The following ALG5 variants were observed in gnomAD, a reference collection of about 807,000 sequenced individuals.
The protein encoded by ALG5 is dolichyl-phosphate beta-glucosyltransferase.
Under a neutral mutation model 51.8 loss-of-function variants are expected in ALG5, and 26 were observed. The observed-to-expected ratio is 0.50, with a 90% confidence interval of 0.37 to 0.70. The LOEUF is 0.70. Among genes scored for constraint, ALG5 ranks in the 30% least tolerant of loss-of-function variants. ALG5 has a pLI of 0.00. For missense variants in ALG5, 311 were observed against 399.3 expected (o/e 0.78, Z 1.88); for synonymous variants, 141 against 136.1 (o/e 1.04, Z -0.25).
chr13:36,958,097 C>T (rs772886818), intron 8 of ALG5, among the ~76,000 whole-genome samples: 8 of 152,196 alleles, frequency 5.3e-5, no homozygotes, highest in Middle Eastern at 3.4e-3. Context: ...AAGCGACAAC[C>T]GTGAGGAAAG....
intron 7 of ALG5, among the ~76,000 whole-genome samples, chr13:36,968,952 A>G (rs1321086706): frequency 2.0e-5 from 3 of 152,228 alleles, no homozygotes. Context: ...ACAACCAATG[A>G]TCTCTAGTGA....
At chr13:36,965,790 C>A in intron 7 of ALG5, 64 bp from the exon 8 acceptor site, 8 of 1,433,116 alleles carry the variant, frequency 5.6e-6, no homozygotes, top group Non-Finnish European at 7.7e-6. Flanking sequence ...ACTGAAAACA[C>A]CTGGCTGTAG....
At chr13:36,998,010 A>T (rs2059059403) in intron 1 of ALG5, among the ~76,000 whole-genome samples, 1 of 152,228 alleles carries the variant, frequency 6.6e-6, no homozygotes, top group Admixed American at 6.5e-5. Context: ...TAAAGATTTA[A>T]TAACTCCTAT....
intron 8 of ALG5, among the ~76,000 whole-genome samples, chr13:36,958,877 C>T (rs183830466): frequency 1.3e-5 from 2 of 152,168 alleles, no homozygotes; most frequent in African/African-American, 2.4e-5. Flanking sequence ...GGACAATGAT[C>T]GGGATTATAA....
intron 5 of ALG5, among the ~76,000 whole-genome samples, chr13:36,986,732 C>T (rs1045222885): frequency 6.6e-6 from 1 of 152,042 alleles, no homozygotes; most frequent in African/African-American, 2.4e-5. Context: ...TGAGACCAGT[C>T]TGGGCAATAC....
At chr13:36,972,133 T>C (rs2058926899) in intron 6 of ALG5, 97 bp from the exon 7 acceptor site, 2 of 1,034,042 alleles carry the variant, frequency 1.9e-6, no homozygotes, top group Admixed American at 2.6e-5. Context: ...AAACTGATTT[T>C]AAAAAAGTTG....
chr13:36,995,404 A>AAAAATC, intron 2 of ALG5, 21 bp downstream of exon 2: 1 of 1,584,348 alleles, frequency 6.3e-7, no homozygotes, highest in East Asian at 2.2e-5. Flanking sequence ...CCTTTACCAA[A>AAAAATC]AAAATCAAAA....
chr13:36,950,300 G>A (rs1310456880), intron 9 of ALG5, among the ~76,000 whole-genome samples: 3 of 152,072 alleles, frequency 2.0e-5, no homozygotes, highest in South Asian at 2.1e-4. Flanking sequence ...AATTTCATAC[G>A]GCCCTACTAT....
Position 36,987,141 on chromosome 13 carries a change from G to A in ALG5, c.448-1401C>T, listed in dbSNP as rs2059005422. ...GTTCAACTATCATCTGACATATGTG[G>A]ATGACTCACTCACATCCTCTCTCCT... On this transcript the variant is annotated intron_variant, in intron 5 of 9. Coordinates refer to ENST00000239891, the MANE Select transcript of ALG5 (RefSeq NM_013338.5). Among the ~76,000 whole-genome samples, 3 of 152,108 alleles carry A rather than the reference G, an allele frequency of 2.0e-5. 1 individual carries two copies. In the South Asian group the frequency reaches 6.2e-4, roughly 32 times the overall value.
At position 36,995,576 on chromosome 13, in the gene ALG5, T is replaced by G; in HGVS notation, c.87A>C (p.Thr29=). 5.6e-6 allele frequency: 9 copies of G among 1,601,516 alleles called. No homozygotes were observed. Among genetic ancestry groups the G allele is most frequent in the Non-Finnish European group, 7.6e-6 (9 of 1,177,292 alleles). ...ALVLISIVAF[T]TATKMPALHR... ...GGAGTGCTGGCATTTTTGTAGCAGT[T>G]GTAAATGCAACGATGGAAATCTAAA... The change falls in exon 2 of 10, where the codon ACA becomes ACC. Residue 29 remains threonine, a synonymous_variant. Coordinates refer to ENST00000239891, the MANE Select transcript of ALG5 (RefSeq NM_013338.5).
At chr13:36,995,352 T>C (rs2059044235) in intron 2 of ALG5, 73 bp downstream of exon 2, 6 of 1,472,124 alleles carry the variant, frequency 4.1e-6, no homozygotes, top group South Asian at 1.3e-5. Flanking sequence ...GCAAAGACAG[T>C]GAAGTCAAAT....
intron 6 of ALG5, among the ~76,000 whole-genome samples, chr13:36,979,581 AG>A (rs988736164): frequency 6.6e-6 from 1 of 152,234 alleles, no homozygotes; most frequent in Non-Finnish European, 1.5e-5. Flanking sequence ...AAGAGCATTC[AG>A]GGTCATTAGT....
At chr13:36,952,157 T>C (rs771479148) in intron 9 of ALG5, among the ~76,000 whole-genome samples, 2 of 152,142 alleles carry the variant, frequency 1.3e-5, no homozygotes, top group Non-Finnish European at 2.9e-5. Flanking sequence ...ATCCACCTAG[T>C]GATAAAAAAA....
intron 1 of ALG5, among the ~76,000 whole-genome samples, chr13:36,996,843 A>G (rs929936584): frequency 3.2e-4 from 48 of 152,208 alleles, no homozygotes; most frequent in African/African-American, 1.1e-3. Flanking sequence ...GCATTTAGGT[A>G]ATGATCCTCA....
intron 7 of ALG5, among the ~76,000 whole-genome samples, chr13:36,967,222 C>CAAAAAAAA (rs1370057490): frequency 3.1e-5 from 2 of 64,182 alleles, no homozygotes; most frequent in Non-Finnish European, 3.2e-5. Flanking sequence ...GACTCCAACT[C>CAAAAAAAA]AAAAAAAAAA....
chr13:36,956,538 T>C (rs896904022), intron 8 of ALG5, among the ~76,000 whole-genome samples: 1 of 152,236 alleles, frequency 6.6e-6, no homozygotes, highest in Non-Finnish European at 1.5e-5. Context: ...TCATGTTCAC[T>C]GCAGCGCTGT....
intron 6 of ALG5, among the ~76,000 whole-genome samples, chr13:36,975,608 T>C (rs1007040935): frequency 6.6e-6 from 1 of 152,258 alleles, no homozygotes; most frequent in African/African-American, 2.4e-5. Context: ...TTTTATGTTA[T>C]AGAAAGGCAA....
At chr13:36,969,849 A>G (rs2058913406) in intron 7 of ALG5, among the ~76,000 whole-genome samples, 1 of 151,978 alleles carries the variant, frequency 6.6e-6, no homozygotes. Context: ...TGTTATTTCA[A>G]CACAGATAAC....
At chr13:36,969,771 G>A (rs1243955084) in intron 7 of ALG5, among the ~76,000 whole-genome samples, 1 of 152,116 alleles carries the variant, frequency 6.6e-6, no homozygotes, top group Non-Finnish European at 1.5e-5. Flanking sequence ...CTGACCTCAG[G>A]TGATCCGCCT....
Sources: allele counts gnomAD v4.1 joint callset (sites outside exome capture counted in the v4.1 genomes callset), GRCh38; gene constraint gnomAD v4.1.1; transcripts MANE v1.5; gene names NCBI Gene and HGNC (gene_info 2026-07-23, HGNC 2026-07-21).